Variants in ANOS1 observed in about 807,000 individuals in gnomAD.
ANOS1 encodes anosmin-1.
In ANOS1, 6 loss-of-function variants were observed where a neutral mutation model predicts 59.0. The observed-to-expected ratio is 0.10, with a 90% CI of 0.06 to 0.20. The LOEUF (loss-of-function observed/expected upper bound fraction) is 0.20. Among genes scored for constraint, ANOS1 ranks in the 10% least tolerant of loss-of-function variants. The probability of loss-of-function intolerance (pLI) is 1.00; values close to 1 mark genes in which losing one functional copy is unlikely to be tolerated. For synonymous variants in ANOS1, 217 were observed against 223.4 expected (o/e 0.97, Z 0.25); for missense variants, 433 against 542.3 (o/e 0.80, Z 2.00).
chrX:8,565,818 G>A (rs5978903), intron 8 of ANOS1: 8,632 of 130,467 alleles, frequency 0.066, 782 homozygotes, highest in African/African-American at 0.26. Context: ...GTGTTTGAAC[G>A]TTTTATTTGA....
intron 2 of ANOS1, among the ~76,000 whole-genome samples, chrX:8,657,393 G>A (rs1483841993): frequency 9.0e-6 from 1 of 110,517 alleles, no homozygotes. Flanking sequence ...ACCTGAGGGT[G>A]GTTTTGAGAA....
chrX:8,654,179 T>C (rs894738685), intron 2 of ANOS1, among the ~76,000 whole-genome samples: 2 of 111,837 alleles, frequency 1.8e-5, no homozygotes, highest in Admixed American at 9.5e-5. Context: ...TGAAGCCAAA[T>C]TTGGTCTTAT....
intron 2 of ANOS1, among the ~76,000 whole-genome samples, chrX:8,667,249 A>G (rs756903805): frequency 1.8e-4 from 20 of 110,618 alleles, no homozygotes; most frequent in Non-Finnish European, 2.8e-4. Context: ...CCCGTACTGG[A>G]CAAATGAAAC....
At chrX:8,652,541 A>G (rs962857722) in intron 2 of ANOS1, among the ~76,000 whole-genome samples, 1 of 112,122 alleles carries the variant, frequency 8.9e-6, no homozygotes, top group Non-Finnish European at 1.9e-5. Flanking sequence ...AAGTATTCAC[A>G]TAAGTTAAAA....
chrX:8,697,284 C>T (rs1285708796), intron 2 of ANOS1, among the ~76,000 whole-genome samples: 3 of 111,647 alleles, frequency 2.7e-5, no homozygotes, highest in African/African-American at 9.8e-5. Flanking sequence ...AAGTTGGGGA[C>T]AGAGCACAGG....
chrX:8,583,991 A>T (rs1381961942), intron 6 of ANOS1, among the ~76,000 whole-genome samples: 1 of 111,266 alleles, frequency 9.0e-6, no homozygotes, highest in Non-Finnish European at 1.9e-5. Context: ...ATGAGAGCAA[A>T]ACCACCTTGG....
intron 9 of ANOS1, among the ~76,000 whole-genome samples, chrX:8,540,454 C>G (rs1929664953): frequency 9.0e-6 from 1 of 110,794 alleles, no homozygotes; most frequent in Non-Finnish European, 1.9e-5. Context: ...ACCCTTTGAA[C>G]ACGTTTATTC....
intron 11 of ANOS1, 42 bp from the exon 12 acceptor site, chrX:8,535,853 A>G: frequency 9.3e-7 from 1 of 1,080,431 alleles, no homozygotes; most frequent in Non-Finnish European, 1.3e-6. Context: ...AGGCGACTGG[A>G]GAAGGTGTGC....
At chrX:8,708,247 C>T (rs867202506) in intron 1 of ANOS1, among the ~76,000 whole-genome samples, 3 of 110,886 alleles carry the variant, frequency 2.7e-5, no homozygotes, top group African/African-American at 9.8e-5. Flanking sequence ...AAACAAAAAA[C>T]TTTAGGGGGA....
intron 2 of ANOS1, among the ~76,000 whole-genome samples, chrX:8,629,695 C>G (rs76380902): frequency 9.0e-6 from 1 of 111,566 alleles, no homozygotes; most frequent in Admixed American, 9.5e-5. Flanking sequence ...TGAATCACCA[C>G]CTGGCCAGTT....
intron 1 of ANOS1, among the ~76,000 whole-genome samples, chrX:8,725,510 T>TATATA (rs1436996303): frequency 5.8e-4 from 47 of 81,514 alleles, no homozygotes; most frequent in African/African-American, 1.9e-3. Context: ...ATAAATAATA[T>TATATA]TATATACAGA....
At chrX:8,670,086 A>G (rs189036719) in intron 2 of ANOS1, among the ~76,000 whole-genome samples, 1 of 110,802 alleles carries the variant, frequency 9.0e-6, no homozygotes, top group Admixed American at 9.7e-5. Flanking sequence ...TGTTGGAACT[A>G]TGTGATTAAT....
chrX:8,641,219 T>C (rs1931659433), intron 2 of ANOS1, among the ~76,000 whole-genome samples: 1 of 111,922 alleles, frequency 8.9e-6, no homozygotes, highest in Non-Finnish European at 1.9e-5. Context: ...AATCATCAGA[T>C]GCAGACAGAC....
chrX:8,618,018 C>T lies in ANOS1; in HGVS notation c.318+5590G>A, dbSNP rs529785387. Reference sequence around the variant, plus strand: ...AGGAAAGAAATGTAACTAGAAGCTACACCACCTGGATTTTAGATCTTATAC... The same window carrying T: ...AGGAAAGAAATGTAACTAGAAGCTATACCACCTGGATTTTAGATCTTATAC... On this transcript the variant is annotated intron_variant, in intron 3 of 13. Transcript: ENST00000262648. Among the ~76,000 whole-genome samples, 8 of 111,157 alleles carry T rather than the reference C, an allele frequency of 7.2e-5. No individual in the cohort carries two copies. The South Asian group carries it at 2.7e-3, about 37-fold the overall frequency.
chrX:8,561,466 A>ATTTTT, intron 8 of ANOS1, among the ~76,000 whole-genome samples: 2 of 67,059 alleles, frequency 3.0e-5, no homozygotes, highest in Non-Finnish European at 5.5e-5. Flanking sequence ...TGCCCGGCTA[A>ATTTTT]TTTTTTTTTT....
At chrX:8,646,789 T>C (rs1047780580) in intron 2 of ANOS1, among the ~76,000 whole-genome samples, 8 of 108,568 alleles carry the variant, frequency 7.4e-5, no homozygotes, top group African/African-American at 2.7e-4. Flanking sequence ...AAAAATTAGC[T>C]TGGCGTGGTG....
chrX:8,590,672 A>T (rs1930601108), intron 4 of ANOS1, among the ~76,000 whole-genome samples: 1 of 112,133 alleles, frequency 8.9e-6, no homozygotes, highest in East Asian at 2.8e-4. Context: ...AACATTCTGC[A>T]ATAGCAAATG....
chrX:8,590,063 T>C (rs1220693178), intron 4 of ANOS1, among the ~76,000 whole-genome samples: 1 of 111,581 alleles, frequency 9.0e-6, no homozygotes, highest in Non-Finnish European at 1.9e-5. Flanking sequence ...CTTTTTCTAC[T>C]GTCCCCTTAT....
At chrX:8,712,519 C>T (rs1254191676) in intron 1 of ANOS1, among the ~76,000 whole-genome samples, 3 of 112,090 alleles carry the variant, frequency 2.7e-5, no homozygotes, top group Non-Finnish European at 3.8e-5. Flanking sequence ...TCAACCTGCA[C>T]CTCAGTTAAT....
Sources: gnomAD v4.1 joint callset for allele counts (sites outside exome capture counted in the v4.1 genomes callset) on GRCh38, gnomAD v4.1.1 for gene constraint, MANE v1.5 for transcripts, NCBI Gene and HGNC (gene_info 2026-07-23, HGNC 2026-07-21) for gene names.